The following ADGRL3 variants were observed in gnomAD, a reference collection of about 807,000 sequenced individuals.
ADGRL3 encodes calcium-independent alpha-latrotoxin receptor 3.
ADGRL3 carries 62 observed loss-of-function variants against 153.5 expected under a neutral mutation model. That is an observed-to-expected ratio of 0.40 (90% confidence interval 0.33 to 0.50). The LOEUF (loss-of-function observed/expected upper bound fraction) is 0.50. Ranked by LOEUF, ADGRL3 falls within the 20% of genes least tolerant of loss-of-function variation. The pLI, the probability that ADGRL3 is intolerant of heterozygous loss-of-function variation, is 0.47. For synonymous variants in ADGRL3, 710 were observed against 672.5 expected (o/e 1.06, Z -0.86); for missense variants, 1,641 against 1,859.4 (o/e 0.88, Z 2.16).
chr4:61,264,188 C>A (rs1229229253), intron 1 of ADGRL3, among the ~76,000 whole-genome samples: 1 of 151,922 alleles, frequency 6.6e-6, no homozygotes, highest in Non-Finnish European at 1.5e-5. Context: ...ACTCTGATTT[C>A]GTTCAATTAA....
At chr4:61,524,352 G>C (rs962561456) in intron 4 of ADGRL3, among the ~76,000 whole-genome samples, 7 of 152,146 alleles carry the variant, frequency 4.6e-5, no homozygotes, top group African/African-American at 1.7e-4. Context: ...CTCCAGTACA[G>C]AAATGCAGAA....
At chr4:61,821,955 A>G (rs896353596) in intron 9 of ADGRL3, among the ~76,000 whole-genome samples, 1 of 152,250 alleles carries the variant, frequency 6.6e-6, no homozygotes, top group Admixed American at 6.5e-5. Context: ...TTATCTAGTT[A>G]AGTATAAAAA....
chr4:61,658,622 T>G (rs925420931), intron 5 of ADGRL3, among the ~76,000 whole-genome samples: 3 of 152,140 alleles, frequency 2.0e-5, no homozygotes, highest in African/African-American at 7.2e-5. Context: ...TGAGCCTTGC[T>G]TACCTTTCAA....
intron 1 of ADGRL3, among the ~76,000 whole-genome samples, chr4:61,372,583 C>T (rs530741831): frequency 1.3e-5 from 2 of 152,154 alleles, no homozygotes; most frequent in Non-Finnish European, 2.9e-5. Context: ...GCAGTCTGCC[C>T]GTTCTCAGAT....
chr4:61,751,887 A>G (rs58123642), intron 8 of ADGRL3, among the ~76,000 whole-genome samples: 13,211 of 152,226 alleles, frequency 0.087, 1,218 homozygotes, highest in African/African-American at 0.23. Flanking sequence ...GAAATAAAAG[A>G]GAAATACATT....
chr4:61,981,250 C>A (rs2150835447), intron 18 of ADGRL3, among the ~76,000 whole-genome samples: 1 of 152,032 alleles, frequency 6.6e-6, no homozygotes, highest in African/African-American at 2.4e-5. Flanking sequence ...GAAAGAATAT[C>A]TTTTTTTTCC....
At chr4:61,977,200 TTTCTTTTTTTCTTG>T (rs1238582969) in intron 17 of ADGRL3, among the ~76,000 whole-genome samples, 2 of 151,792 alleles carry the variant, frequency 1.3e-5, no homozygotes. Flanking sequence ...TTTGGTTTCT[TTTCTTTTTTTCTTG>T]TTCTTTTTTT....
chr4:61,483,887 A>G (rs1460616969), intron 2 of ADGRL3, among the ~76,000 whole-genome samples: 1 of 150,844 alleles, frequency 6.6e-6, no homozygotes, highest in African/African-American at 2.4e-5. Context: ...TAATAAGATT[A>G]CGTTAATAAC....
intron 1 of ADGRL3, among the ~76,000 whole-genome samples, chr4:61,238,362 G>T (rs1025008078): frequency 5.3e-5 from 8 of 151,688 alleles, no homozygotes; most frequent in Non-Finnish European, 8.8e-5. Flanking sequence ...TCTCTATAAG[G>T]TTCTGTTTTC....
intron 19 of ADGRL3, among the ~76,000 whole-genome samples, chr4:61,986,964 A>C (rs2099087616): frequency 6.6e-6 from 1 of 152,150 alleles, no homozygotes; most frequent in Non-Finnish European, 1.5e-5. Context: ...GATTGTTTCC[A>C]TCAGGGCTTA....
chr4:61,848,507 C>A (rs2098164073), intron 9 of ADGRL3, among the ~76,000 whole-genome samples: 1 of 151,898 alleles, frequency 6.6e-6, no homozygotes, highest in South Asian at 2.1e-4. Flanking sequence ...ATTAAGGGCC[C>A]ACCCCACTCC....
At chr4:61,863,172 T>G (rs1178914105) in intron 9 of ADGRL3, among the ~76,000 whole-genome samples, 2 of 151,130 alleles carry the variant, frequency 1.3e-5, no homozygotes, top group Non-Finnish European at 2.9e-5. Context: ...GTGACTAACA[T>G]AGATCGACAC....
intron 4 of ADGRL3, among the ~76,000 whole-genome samples, chr4:61,580,799 G>A (rs2098921568): frequency 6.6e-6 from 1 of 152,012 alleles, no homozygotes; most frequent in African/African-American, 2.4e-5. Context: ...AGATATGATA[G>A]TTGGCTTTGC....
intron 8 of ADGRL3, among the ~76,000 whole-genome samples, chr4:61,795,906 G>A (rs1370184691): frequency 1.3e-5 from 2 of 152,068 alleles, no homozygotes; most frequent in Non-Finnish European, 2.9e-5. Context: ...GCAGTGGCAC[G>A]ATCTCAGCTC....
intron 10 of ADGRL3, among the ~76,000 whole-genome samples, chr4:61,893,917 T>G (rs12649435): frequency 6.6e-6 from 1 of 151,996 alleles, no homozygotes; most frequent in South Asian, 2.1e-4. Flanking sequence ...CGCCATGTTG[T>G]CCAGGCTAGT....
intron 1 of ADGRL3, among the ~76,000 whole-genome samples, chr4:61,346,244 C>T (rs1347473715): frequency 1.3e-5 from 2 of 151,384 alleles, no homozygotes; most frequent in African/African-American, 4.9e-5. Context: ...TATTGAGTCT[C>T]TCTCTCTCTC....
At chr4:61,330,546 A>G (rs983375872) in intron 1 of ADGRL3, among the ~76,000 whole-genome samples, 1 of 152,112 alleles carries the variant, frequency 6.6e-6, no homozygotes, top group African/African-American at 2.4e-5. Flanking sequence ...TTTGGTCTCC[A>G]TAATCATGTT....
intron 4 of ADGRL3, among the ~76,000 whole-genome samples, chr4:61,585,163 AAG>A (rs147556973): frequency 5.3e-5 from 8 of 151,138 alleles, no homozygotes; most frequent in East Asian, 1.9e-4. Context: ...ACAATAAAGA[AAG>A]AGAGAGAGAG....
chr4:61,776,259 G>A (rs966935089), intron 8 of ADGRL3, among the ~76,000 whole-genome samples: 29 of 152,154 alleles, frequency 1.9e-4, no homozygotes, highest in Non-Finnish European at 3.5e-4. Flanking sequence ...GCGGCAGCAG[G>A]GAAAGAGGCC....
Sources: allele counts gnomAD v4.1 joint callset (sites outside exome capture counted in the v4.1 genomes callset), GRCh38; gene constraint gnomAD v4.1.1; transcripts MANE v1.5; gene names NCBI Gene and HGNC (gene_info 2026-07-23, HGNC 2026-07-21).